Variants in ZNF236 observed in about 807,000 individuals in gnomAD.
ZNF236 encodes zinc finger protein 236.
ZNF236 carries 50 observed loss-of-function variants against 191.2 expected under a neutral mutation model. The observed-to-expected ratio is 0.26, with a 90% confidence interval of 0.21 to 0.33. ZNF236 has a LOEUF of 0.33. Among genes scored for constraint, ZNF236 ranks in the 10% least tolerant of loss-of-function variants. The pLI, the probability that ZNF236 is intolerant of heterozygous loss-of-function variation, is 1.00. For synonymous variants in ZNF236, 907 were observed against 928.8 expected (o/e 0.98, Z 0.43); for missense variants, 1,754 against 2,374.5 (o/e 0.74, Z 5.43).
At chr18:76,842,157 T>C (rs190820680) in intron 1 of ZNF236, among the ~76,000 whole-genome samples, 1 of 152,332 alleles carries the variant, frequency 6.6e-6, no homozygotes, top group East Asian at 1.9e-4. Flanking sequence ...CTCTGGATGT[T>C]AGTTTTCTTA....
intron 4 of ZNF236, among the ~76,000 whole-genome samples, chr18:76,871,422 A>G (rs1448758660): frequency 6.6e-6 from 1 of 152,178 alleles, no homozygotes; most frequent in Non-Finnish European, 1.5e-5. Flanking sequence ...ATCACAGGTA[A>G]AGCTTTGTCT....
chr18:76,948,573 G>A (rs182959714), intron 27 of ZNF236, among the ~76,000 whole-genome samples: 4 of 152,292 alleles, frequency 2.6e-5, no homozygotes, highest in African/African-American at 7.2e-5. Context: ...GAGAACCAGC[G>A]GAAGGAAAAG....
intron 1 of ZNF236, among the ~76,000 whole-genome samples, chr18:76,847,591 G>C (rs1231022597): frequency 1.3e-5 from 2 of 151,860 alleles, no homozygotes; most frequent in African/African-American, 4.8e-5. Context: ...TCAGCCTCCC[G>C]AGTAGCTGGG....
At chr18:76,937,981 G>A (rs1227358536) in intron 26 of ZNF236, among the ~76,000 whole-genome samples, 1 of 152,144 alleles carries the variant, frequency 6.6e-6, no homozygotes, top group African/African-American at 2.4e-5. Flanking sequence ...ATTATAATAA[G>A]GCTGTGTCAG....
In ZNF236 at chr18:76,880,282, G is replaced by A. The variant is rs1344033275; in HGVS notation, c.1154G>A (p.Ser385Asn). Residue 385 changes from serine to asparagine, a missense_variant, in exon 8 of 31, where the codon AGC becomes AAC. Physicochemically the swap from Ser to Asn is conservative, Grantham distance 46 (BLOSUM62 1). This residue lies in a region of ZNF236 where 336 missense variants were observed against 495.1 expected (regional missense o/e 0.68). Transcript: ENST00000320610. This position sits in a 1 kb window ranked among gnomAD's most constrained non-coding sequence, Gnocchi z 5.0. ...TCCCCGCAGCCTGGGCAGCAGCTGA[G>A]CATCACAGTGGGCATCAACCAGGAC... Reference protein sequence around the residue: ...GQSPQPGQQLSITVGINQDIL... With the variant: ...GQSPQPGQQLNITVGINQDIL... 2.5e-6 allele frequency: 4 copies of A among 1,613,934 alleles called. No individual in the cohort carries two copies. Among genetic ancestry groups the A allele is most frequent in the Non-Finnish European group, 3.4e-6 (4 of 1,179,898 alleles).
At position 76,919,815 on chromosome 18, in the gene ZNF236, A is replaced by G. The variant is rs1967482964; in HGVS notation, c.3314A>G (p.Asn1105Ser). ...MEEEEEHSDR[N>S]ASRKSRPEVI... ...GAAGAGGAAGAACATTCTGACAGAAATGCATCACGGAAGTCTCGTCCTGAG... is the reference window on the plus strand; with the variant it reads ...GAAGAGGAAGAACATTCTGACAGAAGTGCATCACGGAAGTCTCGTCCTGAG... The change falls in exon 20 of 31, where the codon AAT becomes AGT. Residue 1105 changes from asparagine (N) to serine (S), a missense_variant. Physicochemically the swap from Asn to Ser is conservative, Grantham distance 46 (BLOSUM62 1). Transcript: ENST00000320610. The surrounding 1 kb of genome is among the most constrained non-coding windows in gnomAD (Gnocchi z 5.3). 1 of 1,614,116 alleles carries G rather than the reference A, an allele frequency of 6.2e-7. No homozygotes were observed. The highest frequency in any genetic ancestry group is 8.5e-7 in the Non-Finnish European group (1 of 1,180,044).
At chr18:76,921,134 C>CTGT (rs1344313937) in intron 20 of ZNF236, among the ~76,000 whole-genome samples, 2 of 152,204 alleles carry the variant, frequency 1.3e-5, no homozygotes, top group Non-Finnish European at 2.9e-5. Context: ...TTTCAAGGAG[C>CTGT]TGTTGGGTTG....
rs566326717 is a variant in ZNF236 at position 76,917,400 on chromosome 18, C to T, written c.3274+1541C>T. Among the ~76,000 whole-genome samples the T allele has an allele frequency of 5.9e-5, 9 of 152,306 alleles. No homozygotes were observed. In the South Asian group the frequency reaches 1.9e-3, roughly 32 times the overall value. On this transcript the variant is annotated intron_variant, in intron 19 of 30. Transcript: ENST00000320610. The stretch of plus-strand genomic sequence containing the variant: ...CTGTCAATTAATAAAGCTTCTAATG[C>T]TACTGAATTCTAGCATCGATTTGGG...
rs756944234 is a variant in ZNF236 at position 76,956,127 on chromosome 18, G to T, written c.5057G>T (p.Arg1686Leu). The change falls in exon 28 of 31, where the codon CGC becomes CTC. Residue 1686 changes from arginine (R) to leucine (L), a missense_variant. Transcript: ENST00000320610. ...HHSKEVHGRE[R>L]IHGCPVCRKA... ...AGCAAGGAGGTGCATGGCCGGGAGC[G>T]CATCCACGGCTGCCCCGTGTGCAGG... The T allele has an allele frequency of 8.3e-6, 13 of 1,571,376 alleles. No homozygotes were observed. Among genetic ancestry groups the T allele is most frequent in the Non-Finnish European group, 1.1e-5 (13 of 1,159,416 alleles).
chr18:76,847,965 A>T (rs957147415), intron 1 of ZNF236, among the ~76,000 whole-genome samples: 3 of 152,174 alleles, frequency 2.0e-5, no homozygotes, highest in Non-Finnish European at 2.9e-5. Flanking sequence ...TTTGAATTGC[A>T]TTGTATTTCT....
intron 1 of ZNF236, among the ~76,000 whole-genome samples, chr18:76,837,020 C>T (rs1023930536): frequency 1.3e-4 from 20 of 151,478 alleles, no homozygotes; most frequent in African/African-American, 4.1e-4. Flanking sequence ...GGATTGCAAG[C>T]GTGTGCCACC....
At chr18:76,840,147 A>G (rs945648607) in intron 1 of ZNF236, among the ~76,000 whole-genome samples, 3 of 152,350 alleles carry the variant, frequency 2.0e-5, no homozygotes, top group South Asian at 2.1e-4. Flanking sequence ...TAGAAATACA[A>G]ATTTACAGGT....
At chr18:76,942,529 T>G (rs2122897727) in intron 26 of ZNF236, among the ~76,000 whole-genome samples, 1 of 151,970 alleles carries the variant, frequency 6.6e-6, no homozygotes, top group South Asian at 2.1e-4. Context: ...TTATTTTTTT[T>G]GAGACGGAGT....
intron 27 of ZNF236, among the ~76,000 whole-genome samples, chr18:76,954,950 G>A (rs1456975153): frequency 6.6e-6 from 1 of 152,018 alleles, no homozygotes. Context: ...TGTTGTTTAA[G>A]TATTTTTCTT....
intron 25 of ZNF236, among the ~76,000 whole-genome samples, chr18:76,934,764 C>T (rs916315555): frequency 1.3e-5 from 2 of 152,252 alleles, no homozygotes; most frequent in African/African-American, 4.8e-5. Flanking sequence ...CGATGCTTCT[C>T]TCCTGTTCTG....
At position 76,959,711 on chromosome 18, in the gene ZNF236, G is replaced by T; in HGVS notation, c.5137G>T (p.Gly1713Cys). 1 of 1,613,424 alleles carries T rather than the reference G, an allele frequency of 6.2e-7. No individual in the cohort carries two copies. The highest frequency in any genetic ancestry group is 8.5e-7 in the Non-Finnish European group (1 of 1,179,660). ...GGAGCACATGCAGACACACCAGGCC[G>T]GCCCCTCTTTGAGCTCCCAGAAGCC... is the stretch of plus-strand genomic sequence containing the variant. ...LKEHMQTHQA[G>C]PSLSSQKPRV... The change falls in exon 29 of 31, where the codon GGC (glycine) becomes TGC (cysteine). Residue 1713 changes from glycine to cysteine, a missense_variant. Physicochemically the swap from Gly to Cys is radical, Grantham distance 159. Around this residue, in one of 5 missense-constraint regions of ZNF236, gnomAD observed 606 missense variants for 761.5 expected, o/e 0.80. Coordinates refer to ENST00000320610, the MANE Select transcript of ZNF236 (RefSeq NM_001306089.2).
chr18:76,955,661 G>C (rs1345592227), intron 27 of ZNF236, among the ~76,000 whole-genome samples: 1 of 152,154 alleles, frequency 6.6e-6, no homozygotes, highest in Non-Finnish European at 1.5e-5. Flanking sequence ...ATGAGGACGC[G>C]ACCACGGACT....
intron 11 of ZNF236, among the ~76,000 whole-genome samples, chr18:76,902,695 C>T (rs1184254212): frequency 6.6e-6 from 1 of 151,904 alleles, no homozygotes; most frequent in Non-Finnish European, 1.5e-5. Flanking sequence ...CCTCAGCTTC[C>T]TGAGTAGCTA....
chr18:76,957,482 C>T (rs940752122), intron 28 of ZNF236, among the ~76,000 whole-genome samples: 2 of 152,174 alleles, frequency 1.3e-5, no homozygotes, highest in African/African-American at 2.4e-5. Context: ...CTGAAGGGAG[C>T]CTGTCGCTTG....
Sources: allele counts gnomAD v4.1 joint callset (sites outside exome capture counted in the v4.1 genomes callset), GRCh38; gene constraint gnomAD v4.1.1; regional missense constraint gnomAD v4.1.1; non-coding constraint Gnocchi (gnomAD v3.1); transcripts MANE v1.5; gene names NCBI Gene and HGNC (gene_info 2026-07-23, HGNC 2026-07-21).